MYO5B: variants seen among roughly 807,000 people sequenced by gnomAD.
MYO5B encodes the protein myosin VB.
In MYO5B, 143 loss-of-function variants were observed where a neutral mutation model predicts 229.3. That is an observed-to-expected ratio of 0.62 (90% CI 0.54 to 0.72). The LOEUF (loss-of-function observed/expected upper bound fraction) is 0.72. MYO5B is among the 30% of genes least tolerant of loss of function. The pLI, the probability that MYO5B is intolerant of heterozygous loss-of-function variation, is 0.00. For synonymous variants in MYO5B, 918 were observed against 885.2 expected (o/e 1.04, Z -0.66); for missense variants, 2,321 against 2,331.0 (o/e 1.00, Z 0.09).
chr18:49,983,691 A>G (rs2025840469), intron 8 of MYO5B, among the ~76,000 whole-genome samples: 2 of 152,118 alleles, frequency 1.3e-5, no homozygotes, highest in Non-Finnish European at 2.9e-5. Context: ...TGTTTATATT[A>G]ATTTTTCTAT....
rs747276755 is a variant in MYO5B at position 49,895,020 on chromosome 18, C to T, written c.2966G>A (p.Arg989His). Residue 989 changes from arginine to histidine, a missense_variant, in exon 22 of 40, where the codon CGC (arginine) becomes CAC (histidine). Coordinates refer to ENST00000285039, the MANE Select transcript of MYO5B (RefSeq NM_001080467.3). ...CGAGTGGGCCCTCTGCAGCTCTGTG[C>T]GCAGGCTCTCCACCTCCTCCTGCAG... Reference protein sequence around the residue: ...LRLQEEVESLRTELQRAHSER... With the variant: ...LRLQEEVESLHTELQRAHSER... 2.6e-5 allele frequency: 42 copies of T among 1,613,816 alleles called. 1 individual carries two copies. In the Middle Eastern group the frequency reaches 6.6e-4, roughly 25 times the overall value.
At chr18:50,188,515 T>G (rs2033180087) in intron 1 of MYO5B, among the ~76,000 whole-genome samples, 1 of 152,140 alleles carries the variant, frequency 6.6e-6, no homozygotes, top group Non-Finnish European at 1.5e-5. Context: ...AATCTCAGCC[T>G]ACTTAGATAA....
At chr18:50,024,550 T>A (rs1419585170) in intron 4 of MYO5B, among the ~76,000 whole-genome samples, 2 of 152,240 alleles carry the variant, frequency 1.3e-5, no homozygotes, top group Non-Finnish European at 2.9e-5. Flanking sequence ...TATTCTCTAG[T>A]TCTGGGAATA....
rs539363034 is a variant in MYO5B, at chr18:49,949,066, A to T, written c.1752+4194T>A. Reference sequence around the variant, plus strand: ...CCAAGGTGGTCTCTGGACCACATTCATCTCAAGATCCCTTATGCTGGGATA... The same window carrying T: ...CCAAGGTGGTCTCTGGACCACATTCTTCTCAAGATCCCTTATGCTGGGATA... On this transcript the variant is annotated intron_variant, in intron 14 of 39. Coordinates refer to ENST00000285039, the MANE Select transcript of MYO5B (RefSeq NM_001080467.3). Among the ~76,000 whole-genome samples the T allele has an allele frequency of 3.9e-5, 6 of 152,256 alleles. No homozygotes were observed. The South Asian group carries it at 1.2e-3, about 32-fold the overall frequency.
At chr18:50,176,059 C>T (rs1018707424) in intron 1 of MYO5B, among the ~76,000 whole-genome samples, 5 of 152,232 alleles carry the variant, frequency 3.3e-5, no homozygotes, top group African/African-American at 1.2e-4. Context: ...GCTATGGTTT[C>T]CAGGCATTTT....
chr18:50,166,969 G>T (rs2144328452), intron 1 of MYO5B, among the ~76,000 whole-genome samples: 1 of 152,266 alleles, frequency 6.6e-6, no homozygotes, highest in African/African-American at 2.4e-5. Flanking sequence ...TGAATCAATG[G>T]TTTCAATCTT....
At chr18:50,016,847 G>A (rs1217479847) in intron 4 of MYO5B, among the ~76,000 whole-genome samples, 1 of 141,568 alleles carries the variant, frequency 7.1e-6, no homozygotes, top group African/African-American at 2.7e-5. Flanking sequence ...CCGACCCCCA[G>A]CTTGTGTCTA....
intron 23 of MYO5B, chr18:49,879,302 C>T (rs918788576): frequency 5.0e-6 from 3 of 600,948 alleles, no homozygotes; most frequent in Non-Finnish European, 5.9e-6. Context: ...AAAGACCCTG[C>T]TCTCAGGGAA....
At chr18:50,054,082 G>A (rs910710130) in intron 2 of MYO5B, among the ~76,000 whole-genome samples, 18 of 152,106 alleles carry the variant, frequency 1.2e-4, no homozygotes, top group Non-Finnish European at 2.5e-4. Flanking sequence ...CCTCTTCCCC[G>A]ACAGCTCCCA....
At chr18:50,129,343 A>G (rs920586651) in intron 1 of MYO5B, among the ~76,000 whole-genome samples, 6 of 152,360 alleles carry the variant, frequency 3.9e-5, no homozygotes, top group African/African-American at 1.4e-4. Context: ...TCAACAGACA[A>G]GCTTCTGCCC....
intron 34 of MYO5B, among the ~76,000 whole-genome samples, chr18:49,842,588 G>C (rs2024071817): frequency 6.6e-6 from 1 of 152,216 alleles, no homozygotes; most frequent in South Asian, 2.1e-4. Flanking sequence ...TCTCCCTCAA[G>C]AATCTCACCT....
At chr18:50,017,554 A>C (rs1410129010) in intron 4 of MYO5B, among the ~76,000 whole-genome samples, 1 of 152,226 alleles carries the variant, frequency 6.6e-6, no homozygotes, top group Non-Finnish European at 1.5e-5. Flanking sequence ...GCTGATAGAC[A>C]TTTGGGTTGT....
intron 4 of MYO5B, among the ~76,000 whole-genome samples, chr18:50,022,702 C>T (rs528763377): frequency 2.6e-5 from 4 of 152,286 alleles, no homozygotes; most frequent in South Asian, 2.1e-4. Flanking sequence ...TTTTGCACCA[C>T]GGTCAGAGAG....
chr18:49,960,811 C>T (rs558946034), intron 12 of MYO5B, among the ~76,000 whole-genome samples: 2 of 152,210 alleles, frequency 1.3e-5, no homozygotes, highest in Non-Finnish European at 2.9e-5. Flanking sequence ...CCCAGGCTTT[C>T]CACAAACCTG....
At position 49,880,053 on chromosome 18, in the gene MYO5B, T is replaced by C. The variant is rs565047019; in HGVS notation, c.3130+318A>G. Among the ~76,000 whole-genome samples the C allele has an allele frequency of 3.3e-5, 5 of 152,288 alleles. No homozygotes were observed. In the East Asian group the frequency reaches 9.7e-4, roughly 29 times the overall value. Reference sequence around the variant, plus strand: ...CCCGATGTCTGGACCTTTATGTCCATGTAGTAGATGAACAAACTGAAAGCC... The same window carrying C: ...CCCGATGTCTGGACCTTTATGTCCACGTAGTAGATGAACAAACTGAAAGCC... On this transcript the variant is annotated intron_variant, in intron 23 of 39. Coordinates refer to ENST00000285039, the MANE Select transcript of MYO5B (RefSeq NM_001080467.3).
intron 17 of MYO5B, among the ~76,000 whole-genome samples, chr18:49,919,415 G>A (rs774859662): frequency 1.3e-5 from 2 of 152,098 alleles, no homozygotes; most frequent in South Asian, 2.1e-4. Context: ...TTTGCAAGTC[G>A]TATGTCTTAT....
At chr18:49,877,102 A>G (rs1056825080) in intron 25 of MYO5B, among the ~76,000 whole-genome samples, 1 of 152,158 alleles carries the variant, frequency 6.6e-6, no homozygotes, top group Admixed American at 6.5e-5. Context: ...ATTTCCACAT[A>G]CTTTACAAGG....
At chr18:50,111,211 T>C (rs2031858718) in intron 1 of MYO5B, among the ~76,000 whole-genome samples, 1 of 152,240 alleles carries the variant, frequency 6.6e-6, no homozygotes, top group South Asian at 2.1e-4. Context: ...TTCAGAGGTA[T>C]GTAATGAGGC....
Position 49,847,296 on chromosome 18 carries a change from A to G in MYO5B, c.4316-7T>C. ...TGGGCCAATGCCTGGGCAGCTGAGC[A>G]GGAAAGAAAACAGGAAGCATGGATG... On this transcript the variant is annotated splice_region_variant and splice_polypyrimidine_tract_variant and intron_variant, in intron 32 of 39. Coordinates refer to ENST00000285039, the MANE Select transcript of MYO5B (RefSeq NM_001080467.3). 1 of 1,612,792 alleles carries G rather than the reference A, an allele frequency of 6.2e-7. No individual in the cohort carries two copies. The highest frequency in any genetic ancestry group is 2.2e-5 in the East Asian group (1 of 44,876).
Sources: allele counts gnomAD v4.1 joint callset (sites outside exome capture counted in the v4.1 genomes callset), GRCh38; gene constraint gnomAD v4.1.1; transcripts MANE v1.5; gene names NCBI Gene and HGNC (gene_info 2026-07-23, HGNC 2026-07-21).